The following CADM2 variants were observed in gnomAD, a reference collection of about 807,000 sequenced individuals.
CADM2 encodes the protein immunoglobulin superfamily member 4D.
In CADM2, 12 loss-of-function variants were observed where a neutral mutation model predicts 49.8. That is an observed-to-expected ratio of 0.24 (90% CI 0.15 to 0.39). CADM2 has a LOEUF of 0.39. CADM2 is among the 10% of genes least tolerant of loss of function. CADM2 has a pLI of 1.00. For synonymous variants in CADM2, 214 were observed against 175.4 expected (o/e 1.22, Z -1.74); for missense variants, 378 against 492.3 (o/e 0.77, Z 2.20).
chr3:85,526,955 G>T (rs1401710779), intron 1 of CADM2, among the ~76,000 whole-genome samples: 9 of 152,084 alleles, frequency 5.9e-5, no homozygotes, highest in African/African-American at 1.9e-4. Flanking sequence ...ATTTTTTAAC[G>T]CTCTTTCTGC....
chr3:85,347,224 A>AC (rs2030768368), intron 1 of CADM2, among the ~76,000 whole-genome samples: 1 of 30,658 alleles, frequency 3.3e-5, no homozygotes, highest in Non-Finnish European at 8.9e-5. Flanking sequence ...TCTGTCTCAC[A>AC]AAAAAAAAAA....
In CADM2 at chr3:85,633,913, A is replaced by G. The variant is rs188112912; in HGVS notation, c.62-92609A>G. Among the ~76,000 whole-genome samples the G allele has an allele frequency of 4.3e-3, 661 of 152,188 alleles. 5 individuals are homozygous for G. Among genetic ancestry groups the G allele is most frequent in the Middle Eastern group, 0.027 (8 of 294 alleles). ...AGTTAATAATGGTTGCAATAGTGTC[A>G]ATTCTGCCTATTTGACAAAAAATGA... On this transcript the variant is annotated intron_variant, in intron 1 of 9. Coordinates refer to ENST00000383699, the MANE Select transcript of CADM2 (RefSeq NM_001167675.2).
intron 1 of CADM2, among the ~76,000 whole-genome samples, chr3:85,481,033 T>C (rs1273402778): frequency 1.3e-5 from 2 of 151,542 alleles, no homozygotes; most frequent in Admixed American, 6.6e-5. Context: ...ACTTGATTCA[T>C]CTTTCATCTT....
At chr3:85,710,136 A>G (rs753915910) in intron 1 of CADM2, among the ~76,000 whole-genome samples, 5 of 152,138 alleles carry the variant, frequency 3.3e-5, no homozygotes, top group Non-Finnish European at 7.4e-5. Flanking sequence ...GTATAGAGGT[A>G]GGTACAACAG....
At chr3:85,771,063 T>C (rs2070058114) in intron 2 of CADM2, among the ~76,000 whole-genome samples, 1 of 152,168 alleles carries the variant, frequency 6.6e-6, no homozygotes, top group Non-Finnish European at 1.5e-5. Context: ...TCATATGGAT[T>C]AAGACAGTCC....
intron 1 of CADM2, among the ~76,000 whole-genome samples, chr3:85,140,312 T>C (rs1268718559): frequency 6.6e-6 from 1 of 152,204 alleles, no homozygotes; most frequent in South Asian, 2.1e-4. Flanking sequence ...TAACAAATGA[T>C]ACATTTTTCT....
intron 1 of CADM2, among the ~76,000 whole-genome samples, chr3:85,245,300 CAGG>C (rs1476928787): frequency 6.6e-6 from 1 of 152,052 alleles, no homozygotes; most frequent in Non-Finnish European, 1.5e-5. Context: ...ATCACGAGGT[CAGG>C]AGATCGAGAC....
At chr3:85,384,172 G>A (rs1326236627) in intron 1 of CADM2, among the ~76,000 whole-genome samples, 1 of 152,090 alleles carries the variant, frequency 6.6e-6, no homozygotes, top group East Asian at 1.9e-4. Context: ...GTACCTGTCT[G>A]AAGAAAGAAA....
chr3:85,338,766 C>A (rs935384769), intron 1 of CADM2, among the ~76,000 whole-genome samples: 2 of 151,510 alleles, frequency 1.3e-5, no homozygotes, highest in East Asian at 3.9e-4. Context: ...AGAACAATAA[C>A]CATGACAATA....
At chr3:85,524,457 A>G (rs2061111409) in intron 1 of CADM2, among the ~76,000 whole-genome samples, 2 of 152,086 alleles carry the variant, frequency 1.3e-5, no homozygotes. Context: ...ATAGTTGGAT[A>G]TTACTAAAAA....
intron 1 of CADM2, among the ~76,000 whole-genome samples, chr3:85,562,827 A>G (rs2062138566): frequency 6.6e-6 from 1 of 152,162 alleles, no homozygotes; most frequent in Non-Finnish European, 1.5e-5. Context: ...CCACTTGTAA[A>G]TATGCCACAG....
intron 1 of CADM2, among the ~76,000 whole-genome samples, chr3:85,152,567 A>G (rs2039958680): frequency 6.6e-6 from 1 of 151,926 alleles, no homozygotes; most frequent in Non-Finnish European, 1.5e-5. Flanking sequence ...CCTCCTCCCA[A>G]CCCCACCAAA....
intron 1 of CADM2, among the ~76,000 whole-genome samples, chr3:85,206,789 C>A (rs1316115826): frequency 3.3e-5 from 5 of 151,606 alleles, no homozygotes; most frequent in South Asian, 2.1e-4. Context: ...ACATTTATAT[C>A]TTTTTATGAT....
intron 8 of CADM2, among the ~76,000 whole-genome samples, chr3:85,998,549 ATATT>A (rs1230049761): frequency 6.6e-6 from 1 of 152,174 alleles, no homozygotes; most frequent in Non-Finnish European, 1.5e-5. Flanking sequence ...AAATAAATAT[ATATT>A]TATCTATGCA....
chr3:85,835,235 A>C (rs1010163398), intron 3 of CADM2, among the ~76,000 whole-genome samples: 2 of 150,824 alleles, frequency 1.3e-5, no homozygotes, highest in Non-Finnish European at 3.0e-5. Context: ...TGATAGACAT[A>C]TTTTGATAGC....
chr3:85,097,084 G>C (rs1387140499), intron 1 of CADM2, among the ~76,000 whole-genome samples: 1 of 151,952 alleles, frequency 6.6e-6, no homozygotes, highest in Non-Finnish European at 1.5e-5. Flanking sequence ...GTGCCATGTT[G>C]GTGTGCTGCA....
chr3:85,469,521 AATATG>A (rs1012156151), intron 1 of CADM2, among the ~76,000 whole-genome samples: 6 of 152,150 alleles, frequency 3.9e-5, no homozygotes, highest in Non-Finnish European at 8.8e-5. Context: ...AAGAGCACCA[AATATG>A]ATTTATTTGG....
chr3:85,137,878 A>C (rs1273008204), intron 1 of CADM2, among the ~76,000 whole-genome samples: 1 of 152,134 alleles, frequency 6.6e-6, no homozygotes, highest in African/African-American at 2.4e-5. Context: ...ATTATGTATA[A>C]AACTTTTAAA....
intron 8 of CADM2, chr3:86,014,817 A>G: frequency 6.7e-7 from 1 of 1,489,146 alleles, no homozygotes. Flanking sequence ...GCTTCCATCC[A>G]CCATCTATGA....
Sources: allele counts gnomAD v4.1 joint callset (sites outside exome capture counted in the v4.1 genomes callset), GRCh38; gene constraint gnomAD v4.1.1; transcripts MANE v1.5; gene names NCBI Gene and HGNC (gene_info 2026-07-23, HGNC 2026-07-21).